The following STIM1 variants were observed in gnomAD, a reference collection of about 807,000 sequenced individuals.
STIM1 encodes the protein stromal interaction molecule 1.
In STIM1, 25 loss-of-function variants were observed where a neutral mutation model predicts 74.7. The observed-to-expected ratio is 0.33, with a 90% CI of 0.24 to 0.47. STIM1 has a LOEUF of 0.47. Ranked by LOEUF, STIM1 falls within the 20% of genes least tolerant of loss-of-function variation. The pLI is 1.00. For synonymous variants in STIM1, 328 were observed against 348.8 expected (o/e 0.94, Z 0.66); for missense variants, 728 against 920.8 (o/e 0.79, Z 2.71).
In STIM1 at chr11:4,084,678, G is replaced by C. The variant is rs1264792916; in HGVS notation, c.1480G>C (p.Ala494Pro). ...GGCCTGGCTGTTGACCCTAGATGCT[G>C]CCTGGCTGATGGGGCGTAGGTTCAG... ...IVSPLSMQYA[A>P]WLMGRRFSDR... Residue 494 changes from alanine (A) to proline (P), a missense_variant, in exon 11 of 13, where the codon GCC becomes CCC. By Grantham distance (27) the Ala-to-Pro change is conservative (BLOSUM62 -1). Around this residue, in one of 5 missense-constraint regions of STIM1, gnomAD observed 352 missense variants for 370.1 expected, o/e 0.95. Transcript: ENST00000526596. The C allele has an allele frequency of 7.8e-7, 1 of 1,289,380 alleles. No individual in the cohort carries two copies. The highest frequency in any genetic ancestry group is 2.3e-5 in the Admixed American group (1 of 43,566). 79.9% of individuals were successfully genotyped at this position (1,289,380 alleles called of 1,614,324 possible). A position where few individuals can be genotyped will look rare whatever the true frequency, so the allele number is the denominator to read the frequency against.
At chr11:4,029,707 C>T (rs1351090737) in intron 3 of STIM1, among the ~76,000 whole-genome samples, 3 of 152,026 alleles carry the variant, frequency 2.0e-5, no homozygotes, top group Non-Finnish European at 1.5e-5. Context: ...CCTGAGCTGC[C>T]GAGGATAGGC....
intron 1 of STIM1, among the ~76,000 whole-genome samples, chr11:3,907,990 C>G (rs1397966806): frequency 2.0e-5 from 3 of 152,202 alleles, no homozygotes; most frequent in African/African-American, 7.2e-5. Flanking sequence ...ATCCCTCCCC[C>G]ACCACACACT....
intron 10 of STIM1, among the ~76,000 whole-genome samples, chr11:4,084,307 G>A (rs544495903): frequency 6.6e-6 from 1 of 152,368 alleles, no homozygotes; most frequent in Non-Finnish European, 1.5e-5. Flanking sequence ...GAGGGCAGAA[G>A]GCCGGGGCTG....
intron 1 of STIM1, among the ~76,000 whole-genome samples, chr11:3,960,177 A>G (rs2093270391): frequency 6.6e-6 from 1 of 152,114 alleles, no homozygotes; most frequent in African/African-American, 2.4e-5. Context: ...AGGCAGCACT[A>G]TCATTAGTTG....
intron 1 of STIM1, among the ~76,000 whole-genome samples, chr11:3,870,381 T>G (rs11030135): frequency 0.02 from 3,067 of 152,316 alleles, 94 homozygotes; most frequent in African/African-American, 0.068. Flanking sequence ...ACAAGATTGC[T>G]TTTCCTCTCT....
At chr11:4,085,112 T>G (rs1486061949) in intron 11 of STIM1, among the ~76,000 whole-genome samples, 1 of 152,026 alleles carries the variant, frequency 6.6e-6, no homozygotes, top group African/African-American at 2.4e-5. Flanking sequence ...TCCCTTTTCT[T>G]CCCAGTTTCC....
chr11:3,996,464 T>G (rs1461917492), intron 2 of STIM1, among the ~76,000 whole-genome samples: 1 of 152,212 alleles, frequency 6.6e-6, no homozygotes, highest in Non-Finnish European at 1.5e-5. Flanking sequence ...CACTTAGAAC[T>G]TAGCCTCAGT....
At chr11:4,085,781 C>T (rs998645064) in intron 11 of STIM1, among the ~76,000 whole-genome samples, 13 of 152,220 alleles carry the variant, frequency 8.5e-5, no homozygotes, top group African/African-American at 3.1e-4. Context: ...CTCAAGGTCA[C>T]AGCTAGAAGT....
At chr11:3,868,399 TA>T (rs781108137) in intron 1 of STIM1, 1 of 152,208 alleles carries the variant, frequency 6.6e-6, no homozygotes, top group South Asian at 2.1e-4. Flanking sequence ...ACTGAGAACT[TA>T]AGGTCATTTT....
intron 1 of STIM1, among the ~76,000 whole-genome samples, chr11:3,891,902 A>G (rs2091906959): frequency 6.6e-6 from 1 of 152,236 alleles, no homozygotes; most frequent in South Asian, 2.1e-4. Context: ...ACAGCCATAG[A>G]TAATATTTAA....
chr11:4,059,954 A>G (rs1331709133), intron 5 of STIM1, among the ~76,000 whole-genome samples: 3 of 152,240 alleles, frequency 2.0e-5, no homozygotes, highest in African/African-American at 4.8e-5. Flanking sequence ...TTTCAATAGC[A>G]TATCAGCAGG....
intron 1 of STIM1, among the ~76,000 whole-genome samples, chr11:3,869,686 A>G (rs1334358394): frequency 6.6e-6 from 1 of 152,228 alleles, no homozygotes; most frequent in African/African-American, 2.4e-5. Flanking sequence ...ACTTGATTCC[A>G]TAGGGAATAA....
At chr11:3,932,760 T>C (rs963687699) in intron 1 of STIM1, among the ~76,000 whole-genome samples, 1 of 151,906 alleles carries the variant, frequency 6.6e-6, no homozygotes, top group Admixed American at 6.6e-5. Context: ...GACAGCCATC[T>C]ATGAACCAGT....
chr11:3,876,436 C>T, intron 1 of STIM1, among the ~76,000 whole-genome samples: 1 of 152,180 alleles, frequency 6.6e-6, no homozygotes, highest in Non-Finnish European at 1.5e-5. Context: ...GACAGGGTCT[C>T]ACTCTGTTAC....
In STIM1 at chr11:4,083,300, C is replaced by T. The variant is rs1057519505; in HGVS notation, c.1276C>T (p.Arg426Cys). 2 of 1,614,224 alleles carry T rather than the reference C, an allele frequency of 1.2e-6. No homozygotes were observed. Among genetic ancestry groups the T allele is most frequent in the Non-Finnish European group, 1.7e-6 (2 of 1,180,040 alleles). The change falls in exon 10 of 13, where the codon CGC (arginine) becomes TGC (cysteine). Residue 426 changes from arginine (R) to cysteine (C), a missense_variant. By Grantham distance (180) the Arg-to-Cys change is radical. This residue lies in a region of STIM1 where 131 missense variants were observed against 235.9 expected (regional missense o/e 0.56). Coordinates refer to ENST00000526596, the MANE Select transcript of STIM1 (RefSeq NM_001382567.1). ...CGAGGTGACAGCAGCATTGCGGGAG[C>T]GCCTGCACCGCTGGCAACAGATCGA... ...LSEVTAALRERLHRWQQIEIL... is the reference protein window; with the variant it reads ...LSEVTAALRECLHRWQQIEIL...
At chr11:3,999,106 G>T (rs764245553) in intron 2 of STIM1, among the ~76,000 whole-genome samples, 1 of 152,216 alleles carries the variant, frequency 6.6e-6, no homozygotes, top group Non-Finnish European at 1.5e-5. Context: ...ATCACTTTGG[G>T]AAGCCAAGGC....
At chr11:4,047,106 A>G (rs16929480) in intron 3 of STIM1, among the ~76,000 whole-genome samples, 5,756 of 152,312 alleles carry the variant, frequency 0.038, 262 homozygotes, top group East Asian at 0.19. Context: ...GCCACTGTAT[A>G]TGAAGCTCTT....
At chr11:3,895,791 CCTTCCTTCCTTCCTTT>C (rs2092130179) in intron 1 of STIM1, among the ~76,000 whole-genome samples, 1 of 84,744 alleles carries the variant, frequency 1.2e-5, no homozygotes, top group Non-Finnish European at 2.1e-5. Context: ...TTCCTTCCTT[CCTTCCTTCCTTCCTTT>C]CTTTCCTTCC....
At chr11:3,983,201 T>A (rs2093524166) in intron 2 of STIM1, among the ~76,000 whole-genome samples, 1 of 152,210 alleles carries the variant, frequency 6.6e-6, no homozygotes, top group Non-Finnish European at 1.5e-5. Flanking sequence ...CCCAAAGTGT[T>A]GGGATTACAA....
Sources: gnomAD v4.1 joint callset for allele counts (sites outside exome capture counted in the v4.1 genomes callset) on GRCh38, gnomAD v4.1.1 for gene constraint, gnomAD v4.1.1 regional missense constraint, MANE v1.5 for transcripts, NCBI Gene and HGNC (gene_info 2026-07-23, HGNC 2026-07-21) for gene names.